Variants in ARVCF observed in about 807,000 individuals in gnomAD.
ARVCF encodes the protein splicing regulator ARVCF.
Under a neutral mutation model 90.9 loss-of-function variants are expected in ARVCF, and 66 were observed. That is an observed-to-expected ratio of 0.73 (90% CI 0.60 to 0.89). The LOEUF is 0.89. ARVCF is among the 40% of genes least tolerant of loss of function. The probability of loss-of-function intolerance (pLI) is 0.00; values close to 1 mark genes in which losing one functional copy is unlikely to be tolerated. For missense variants in ARVCF, 1,469 were observed against 1,382.3 expected (o/e 1.06, Z -1.00); for synonymous variants, 653 against 603.4 (o/e 1.08, Z -1.21).
Position 19,981,997 on chromosome 22 carries a change from G to A in ARVCF, c.305C>T (p.Thr102Ile), listed in dbSNP as rs1943532103. 1 of 1,613,182 alleles carries A rather than the reference G, an allele frequency of 6.2e-7. No homozygotes were observed. ...ETVTVEEDPG[T>I]PTSHVSIVTS... ...GACAATAGACACATGGGAAGTGGGT[G>A]TGCCGGGGTCCTCCTCCACCGTCAC... The change falls in exon 4 of 20, where the codon ACA becomes ATA. Residue 102 changes from threonine to isoleucine, a missense_variant. Physicochemically the swap from Thr to Ile is moderately conservative, Grantham distance 89 (BLOSUM62 -1). Coordinates refer to ENST00000263207, the MANE Select transcript of ARVCF (RefSeq NM_001670.3).
chr22:20,007,793 T>C (rs1043460863), intron 2 of ARVCF, among the ~76,000 whole-genome samples: 1 of 152,258 alleles, frequency 6.6e-6, no homozygotes, highest in Non-Finnish European at 1.5e-5. Flanking sequence ...AATCCTGGAC[T>C]TCCCCATCTC....
At chr22:19,984,999 C>T (rs1045114262) in intron 3 of ARVCF, among the ~76,000 whole-genome samples, 1 of 152,118 alleles carries the variant, frequency 6.6e-6, no homozygotes, top group African/African-American at 2.4e-5. Flanking sequence ...GGCTGCAGTC[C>T]CTGGATCCCT....
At chr22:19,970,765 T>C (rs1253202850) in intron 19 of ARVCF, 22 bp from the exon 20 acceptor site, 1 of 1,291,420 alleles carries the variant, frequency 7.7e-7, no homozygotes, top group Non-Finnish European at 1.0e-6. Flanking sequence ...AAGGGGATGG[T>C]GGACGCTGCA....
At chr22:20,007,269 G>A (rs2146480608) in intron 2 of ARVCF, among the ~76,000 whole-genome samples, 1 of 152,282 alleles carries the variant, frequency 6.6e-6, no homozygotes, top group African/African-American at 2.4e-5. Context: ...GGTGATGGTG[G>A]CAGGCACCTG....
chr22:19,987,099 CG>C, intron 3 of ARVCF: 1 of 577,510 alleles, frequency 1.7e-6, no homozygotes, highest in Non-Finnish European at 3.2e-6. Flanking sequence ...GGCATCGGGC[CG>C]GGACTCGGGG....
At chr22:19,967,285 A>G, downstream of ARVCF, 1 of 1,157,250 alleles carries the variant, frequency 8.6e-7, no homozygotes, top group Non-Finnish European at 1.2e-6. Context: ...TCACTCATGC[A>G]TTCCCTGGCC....
chr22:19,972,654 C>T lies in ARVCF; in HGVS notation c.2641+83G>A, dbSNP rs1455039662. On this transcript the variant is annotated intron_variant, in intron 16 of 19. Transcript: ENST00000263207. ...AGCCGTCTCAGTGGGAGGCCTGACT[C>T]CTCCTTCACCTTCACCCAAGGGTCA... is the stretch of plus-strand genomic sequence containing the variant. 4.9e-6 allele frequency: 7 copies of T among 1,429,236 alleles called. No homozygotes were observed. The East Asian group carries it at 1.5e-4, about 30-fold the overall frequency. The allele number at this position is 1,429,236 out of a possible 1,614,324, so 88.5% of individuals were successfully genotyped here.
intron 7 of ARVCF, 64 bp from the exon 8 acceptor site, chr22:19,978,139 CCTTGTGGG>C: frequency 1.4e-6 from 2 of 1,469,398 alleles, no homozygotes; most frequent in Non-Finnish European, 1.8e-6. Context: ...TCCACCCTGG[CCTTGTGGG>C]CTTGTCTTCA....
intron 9 of ARVCF, among the ~76,000 whole-genome samples, chr22:19,977,057 T>A (rs1943197332): frequency 6.6e-6 from 1 of 152,156 alleles, no homozygotes. Flanking sequence ...CACAGGTTGG[T>A]GGCAGTCTAC....
In ARVCF at chr22:19,980,057, G is replaced by A; in HGVS notation, c.1082C>T (p.Pro361Leu). Residue 361 changes from proline to leucine, a missense_variant, in exon 6 of 20, where the codon CCT becomes CTT. Pro to Leu is a moderately conservative substitution (Grantham distance 98). Transcript: ENST00000263207. ...GTGCCGCAGCATGGCCAGCACCTCAGGCAGCTCAGGGTCCCGCCAGCGCGG... is the reference window on the plus strand; with the variant it reads ...GTGCCGCAGCATGGCCAGCACCTCAAGCAGCTCAGGGTCCCGCCAGCGCGG... ...KEPRWRDPEL[P>L]EVLAMLRHPV... The A allele has an allele frequency of 3.8e-6, 6 of 1,582,978 alleles. No homozygotes were observed. Among genetic ancestry groups the A allele is most frequent in the South Asian group, 1.1e-5 (1 of 88,588 alleles).
chr22:19,993,953 T>C (rs1944125894), intron 2 of ARVCF, among the ~76,000 whole-genome samples: 1 of 152,120 alleles, frequency 6.6e-6, no homozygotes, highest in African/African-American at 2.4e-5. Context: ...CTCCAGGTGC[T>C]CTCACAGGAC....
chr22:20,014,490 C>T (rs763852412), intron 1 of ARVCF, among the ~76,000 whole-genome samples: 2 of 152,222 alleles, frequency 1.3e-5, no homozygotes, highest in Non-Finnish European at 2.9e-5. Context: ...CCACTGCGCC[C>T]GGCCTCATTC....
chr22:19,998,792 C>T (rs1018920729), intron 2 of ARVCF, among the ~76,000 whole-genome samples: 9 of 152,146 alleles, frequency 5.9e-5, no homozygotes, highest in African/African-American at 1.7e-4. Context: ...GGCCGTGAGA[C>T]GGCAGGTCAG....
At chr22:19,989,627 C>G (rs892541733) in intron 3 of ARVCF, among the ~76,000 whole-genome samples, 4 of 152,202 alleles carry the variant, frequency 2.6e-5, no homozygotes, top group Admixed American at 1.3e-4. Context: ...CCCAGCAGGA[C>G]CAAAGAAGGG....
chr22:19,973,108 C>A lies in ARVCF; in HGVS notation c.2438+11G>T, dbSNP rs780080995. ...GCGGCTCCCCAAGCCACCGACCCCG[C>A]CCCTCCACACCTGGAGGCCACGAGA... On this transcript the variant is annotated intron_variant, in intron 14 of 19. Transcript: ENST00000263207. 6.2e-7 allele frequency: 1 copy of A among 1,601,998 alleles called. No homozygotes were observed. The highest frequency in any genetic ancestry group is 8.5e-7 in the Non-Finnish European group (1 of 1,175,594).
At chr22:19,969,867 G>T (rs929949899), downstream of ARVCF, 26 of 985,326 alleles carry the variant, frequency 2.6e-5, no homozygotes, top group Non-Finnish European at 3.1e-5. Context: ...AGCCACTTGT[G>T]CCAGACCTGA....
At chr22:19,996,596 A>G (rs1944261829) in intron 2 of ARVCF, among the ~76,000 whole-genome samples, 1 of 152,358 alleles carries the variant, frequency 6.6e-6, no homozygotes, top group Admixed American at 6.5e-5. Flanking sequence ...ATACAACAAC[A>G]AAGTGGCATC....
rs1487842826 is a variant in ARVCF at position 19,976,788 on chromosome 22, C to CA, written c.1871-66_1871-65insT. On this transcript the variant is annotated intron_variant, in intron 9 of 19. Coordinates refer to ENST00000263207, the MANE Select transcript of ARVCF (RefSeq NM_001670.3). ...CTGAACAGGCAGCACTCATCACCCCCCCATGCCCTCCCGGAAGCCTCAGGT... is the reference window on the plus strand; with the variant it reads ...CTGAACAGGCAGCACTCATCACCCCCACCATGCCCTCCCGGAAGCCTCAGGT... 3 of 1,534,978 alleles carry CA rather than the reference C, an allele frequency of 2.0e-6. No homozygotes were observed. In the African/African-American group the frequency reaches 4.1e-5, roughly 21 times the overall value.
intron 1 of ARVCF, among the ~76,000 whole-genome samples, chr22:20,011,909 T>C (rs1369242241): frequency 6.6e-6 from 1 of 152,068 alleles, no homozygotes; most frequent in East Asian, 1.9e-4. Context: ...GGAGTCACCA[T>C]GTGCCACAGA....
Sources: allele counts gnomAD v4.1 joint callset (sites outside exome capture counted in the v4.1 genomes callset), GRCh38; gene constraint gnomAD v4.1.1; transcripts MANE v1.5; gene names NCBI Gene and HGNC (gene_info 2026-07-23, HGNC 2026-07-21).